CDH4: variants seen among roughly 807,000 people sequenced by gnomAD.
CDH4 encodes cadherin 4, also known as cadherin-4.
A neutral mutation model predicts 86.0 loss-of-function variants in CDH4; 33 were observed. That is an observed-to-expected ratio of 0.38 (90% CI 0.29 to 0.51). The LOEUF is 0.51. CDH4 is among the 20% of genes least tolerant of loss of function. The pLI is 0.86. For missense variants in CDH4, 1,114 were observed against 1,307.4 expected (o/e 0.85, Z 2.28); for synonymous variants, 555 against 549.4 (o/e 1.01, Z -0.14).
Position 61,292,775 on chromosome 20 carries a change from A to ATGCTGT in CDH4, c.169+37840_169+37845dup, listed in dbSNP as rs544579733. ...ACGAGAAAATAGAGAAACTTGGGCA[A>ATGCTGT]TGCTGTTTTTGTTTTTGTTTTTGTT... On this transcript the variant is annotated intron_variant, in intron 2 of 15. Transcript: ENST00000614565. Among the ~76,000 whole-genome samples the ATGCTGT allele has an allele frequency of 9.0e-3, 1,374 of 152,298 alleles. 26 individuals are homozygous for ATGCTGT. Among genetic ancestry groups the ATGCTGT allele is most frequent in the African/African-American group, 0.032 (1,312 of 41,554 alleles).
chr20:61,717,365 G>A (rs2087969389), intron 2 of CDH4: 1 of 152,396 alleles, frequency 6.6e-6, no homozygotes, highest in Non-Finnish European at 1.5e-5. Flanking sequence ...TGCTCTCTGA[G>A]CACGGGGACT....
intron 2 of CDH4, among the ~76,000 whole-genome samples, chr20:61,541,241 C>T (rs2086037208): frequency 6.6e-6 from 1 of 152,158 alleles, no homozygotes; most frequent in Non-Finnish European, 1.5e-5. Context: ...GGCATCAATC[C>T]ACTGTGCACG....
chr20:61,404,716 C>CTT (rs771836471), intron 2 of CDH4, among the ~76,000 whole-genome samples: 1 of 143,156 alleles, frequency 7.0e-6, no homozygotes, highest in African/African-American at 2.5e-5. Context: ...AATATTTAGG[C>CTT]TTTTTTTTTT....
At position 61,252,405 on chromosome 20, in the gene CDH4, G is replaced by T; in HGVS notation, c.-109G>T. 3.0e-6 allele frequency: 1 copy of T among 335,238 alleles called. No individual in the cohort carries two copies. Among genetic ancestry groups the T allele is most frequent in the Non-Finnish European group, 4.2e-6 (1 of 239,362 alleles). 20.8% of individuals were successfully genotyped at this position (335,238 alleles called of 1,614,324 possible). A position where few individuals can be genotyped will look rare whatever the true frequency, so the allele number is the denominator to read the frequency against. ...AGGCTCCGGGCAGGCGCGGGGGAGC[G>T]GCGGCGGCGGCGGCGATCGGAGCGG... is the stretch of plus-strand genomic sequence containing the variant. On this transcript the variant is annotated 5_prime_UTR_variant, in exon 1 of 16. Transcript: ENST00000614565. This position sits in a 1 kb window ranked among gnomAD's most constrained non-coding sequence, Gnocchi z 4.4.
At chr20:61,278,492 G>A (rs1371661545) in intron 2 of CDH4, among the ~76,000 whole-genome samples, 2 of 152,218 alleles carry the variant, frequency 1.3e-5, no homozygotes, top group African/African-American at 2.4e-5. Flanking sequence ...GGTCCGTGGC[G>A]ACCTCAGGCT....
chr20:61,935,905 T>C (rs1487148984), intron 15 of CDH4, among the ~76,000 whole-genome samples: 1 of 151,772 alleles, frequency 6.6e-6, no homozygotes, highest in Non-Finnish European at 1.5e-5. Context: ...TAAAAATAAA[T>C]AAATAAAGCC....
At chr20:61,548,482 C>G (rs559839710) in intron 2 of CDH4, among the ~76,000 whole-genome samples, 7 of 152,202 alleles carry the variant, frequency 4.6e-5, no homozygotes, top group East Asian at 1.9e-4. Flanking sequence ...CCCGCCCCCC[C>G]ATTACAGCCC....
intron 2 of CDH4, among the ~76,000 whole-genome samples, chr20:61,495,787 C>G (rs891900013): frequency 6.6e-6 from 1 of 150,930 alleles, no homozygotes; most frequent in Non-Finnish European, 1.5e-5. Context: ...CTTGTAATCC[C>G]AGCTACTCGG....
intron 13 of CDH4, among the ~76,000 whole-genome samples, chr20:61,930,047 G>A (rs2055089385): frequency 6.6e-6 from 1 of 152,232 alleles, no homozygotes; most frequent in Non-Finnish European, 1.5e-5. Flanking sequence ...AAGTCTGGAG[G>A]TGCAGGCCGG....
rs374463764 is a variant in CDH4, at chr20:61,358,902, C to T, written c.169+103965C>T. On this transcript the variant is annotated intron_variant, in intron 2 of 15. Coordinates refer to ENST00000614565, the MANE Select transcript of CDH4 (RefSeq NM_001794.5). ...CACCGTCAGTTTCAGCCCAGGGTGA[C>T]GGGGGGGTTTACTCCGTGATTCACC... 3.9e-5 allele frequency among the ~76,000 whole-genome samples: 6 copies of T among 152,022 alleles called. No homozygotes were observed. The East Asian group carries it at 5.8e-4, about 15-fold the overall frequency.
chr20:61,747,013 G>A (rs959847483), intron 3 of CDH4, among the ~76,000 whole-genome samples: 8 of 152,212 alleles, frequency 5.3e-5, no homozygotes, highest in Admixed American at 2.6e-4. Flanking sequence ...ATCTCCCCCA[G>A]TGTGAACTGT....
At chr20:61,398,141 C>G (rs534044944) in intron 2 of CDH4, among the ~76,000 whole-genome samples, 38 of 152,302 alleles carry the variant, frequency 2.5e-4, no homozygotes, top group Non-Finnish European at 4.7e-4. Context: ...AATGAGCATT[C>G]AAGCGTATCA....
intron 2 of CDH4, among the ~76,000 whole-genome samples, chr20:61,264,361 ATCT>A (rs1480364169): frequency 6.6e-6 from 1 of 151,714 alleles, no homozygotes; most frequent in African/African-American, 2.4e-5. Context: ...TCTTACACAT[ATCT>A]CAGTGGCTCC....
intron 2 of CDH4, among the ~76,000 whole-genome samples, chr20:61,385,990 G>T (rs2084949048): frequency 6.6e-6 from 1 of 152,194 alleles, no homozygotes; most frequent in Non-Finnish European, 1.5e-5. Flanking sequence ...AGCCACAGTT[G>T]TCCTAGCGCC....
At chr20:61,320,719 G>A (rs572008966) in intron 2 of CDH4, among the ~76,000 whole-genome samples, 5 of 152,086 alleles carry the variant, frequency 3.3e-5, no homozygotes, top group East Asian at 3.9e-4. Context: ...GGTCGAGGAA[G>A]CCTGGCTTTA....
intron 2 of CDH4, among the ~76,000 whole-genome samples, chr20:61,699,787 T>G (rs56188772): frequency 0.28 from 37,780 of 135,696 alleles, 6,467 homozygotes; most frequent in Non-Finnish European, 0.36. Context: ...CTTTCACCGC[T>G]GACCCGGGGC....
chr20:61,686,874 G>A (rs2145866186), intron 2 of CDH4, among the ~76,000 whole-genome samples: 1 of 152,326 alleles, frequency 6.6e-6, no homozygotes, highest in Non-Finnish European at 1.5e-5. Context: ...GTACAGGACG[G>A]AGAGTGATTA....
At chr20:61,882,467 G>A (rs747750942) in intron 7 of CDH4, among the ~76,000 whole-genome samples, 59 of 152,290 alleles carry the variant, frequency 3.9e-4, no homozygotes, top group Non-Finnish European at 7.2e-4. Context: ...TTCAAATCCC[G>A]CCTTCTGGAT....
chr20:61,443,556 C>T (rs1050966831), intron 2 of CDH4, among the ~76,000 whole-genome samples: 5 of 152,228 alleles, frequency 3.3e-5, no homozygotes, highest in African/African-American at 7.2e-5. Flanking sequence ...ACAGCTGTCA[C>T]GCCAGCAGTA....
Sources: gnomAD v4.1 joint callset for allele counts (sites outside exome capture counted in the v4.1 genomes callset) on GRCh38, gnomAD v4.1.1 for gene constraint, Gnocchi (gnomAD v3.1) non-coding constraint, MANE v1.5 for transcripts, NCBI Gene and HGNC (gene_info 2026-07-23, HGNC 2026-07-21) for gene names.